Variants in KLK5 observed in about 807,000 individuals in gnomAD.
KLK5 encodes the protein kallikrein-5.
A neutral mutation model predicts 24.0 loss-of-function variants in KLK5; 18 were observed. That is an observed-to-expected ratio of 0.75 (90% CI 0.52 to 1.11). The LOEUF (loss-of-function observed/expected upper bound fraction) is 1.11. Ranked by LOEUF, KLK5 falls within the 50% of genes most tolerant of loss-of-function variation. The pLI, the probability that KLK5 is intolerant of heterozygous loss-of-function variation, is 0.00. For synonymous variants in KLK5, 140 were observed against 154.0 expected (o/e 0.91, Z 0.67); for missense variants, 374 against 379.2 (o/e 0.99, Z 0.11).
At chr19:50,946,708 T>G (rs268906) in intron 5 of KLK5, among the ~76,000 whole-genome samples, 1 of 151,668 alleles carries the variant, frequency 6.6e-6, no homozygotes, top group Non-Finnish European at 1.5e-5. Flanking sequence ...TACAGGCGCC[T>G]GCCACCACGC....
rs557232051 is a variant in KLK5 at position 50,944,627 on chromosome 19, G to A, written c.727-841C>T. Reference sequence around the variant, plus strand: ...CTCAGCCCCTGGATGAGGGTTCCTCGATCTGGGCACTGTGGGCATCTGAAG... The same window carrying A: ...CTCAGCCCCTGGATGAGGGTTCCTCAATCTGGGCACTGTGGGCATCTGAAG... On this transcript the variant is annotated intron_variant, in intron 5 of 5. Transcript: ENST00000336334. 1.6e-3 allele frequency among the ~76,000 whole-genome samples: 249 copies of A among 152,276 alleles called. 1 individual carries two copies. Among genetic ancestry groups the A allele is most frequent in the Non-Finnish European group, 1.5e-3 (104 of 68,028 alleles).
rs142655289 is a variant in KLK5 at position 50,946,904 on chromosome 19, C to T, written c.726+1736G>A. ...AAAAGTTTTCCCCCTCGCAACCCAC[C>T]CCCCCACACCCAGGGCACAGAGAAG... On this transcript the variant is annotated intron_variant, in intron 5 of 5. Transcript: ENST00000336334. Among the ~76,000 whole-genome samples, 271 of 152,108 alleles carry T rather than the reference C, an allele frequency of 1.8e-3. 4 individuals carry two copies. The highest frequency in any genetic ancestry group is 6.6e-4 in the Non-Finnish European group (45 of 67,992).
At position 50,943,777 on chromosome 19, in the gene KLK5, C is replaced by T. The variant is rs753623477; in HGVS notation, c.736G>A (p.Gly246Arg). ...AGRDSCQGDS[G>R]GPVVCNGSLQ... ...GAGCCATTGCAGACCACAGGCCCCC[C>T]AGAATCACCCTGCAGGAGAGAAAGG... Residue 246 changes from glycine to arginine, a missense_variant, in exon 6 of 6, where the codon GGG becomes AGG. Physicochemically the swap from Gly to Arg is moderately radical, Grantham distance 125 (BLOSUM62 -2). Coordinates refer to ENST00000336334, the MANE Select transcript of KLK5 (RefSeq NM_012427.5). 1.3e-5 allele frequency: 21 copies of T among 1,612,216 alleles called. No individual in the cohort carries two copies. In the Admixed American group the frequency reaches 3.0e-4, roughly 23 times the overall value.
At chr19:50,945,837 A>G (rs984393768) in intron 5 of KLK5, among the ~76,000 whole-genome samples, 1 of 116,912 alleles carries the variant, frequency 8.6e-6, no homozygotes, top group Non-Finnish European at 1.9e-5. Context: ...TGTACATACT[A>G]CAATAATGAT....
At chr19:50,952,445 C>G in intron 2 of KLK5, 140 bp downstream of exon 2, 1 of 537,284 alleles carries the variant, frequency 1.9e-6, no homozygotes, top group Non-Finnish European at 3.2e-6. Flanking sequence ...CGCACAACCA[C>G]AAGTACAGAC....
rs1246817872 is a variant in KLK5, at chr19:50,947,102, A to G, written c.726+1538T>C. On this transcript the variant is annotated intron_variant, in intron 5 of 5. Transcript: ENST00000336334. The surrounding 1 kb of genome is among the most constrained non-coding windows in gnomAD (Gnocchi z 8.7). ...CTTACGTCCTTCTAGATCCCTTGGG[A>G]GCCTGAATACAGAGAAGGGTGCTGG... 6.6e-6 allele frequency among the ~76,000 whole-genome samples: 1 copy of G among 152,046 alleles called. No individual in the cohort carries two copies. The highest frequency in any genetic ancestry group is 2.4e-5 in the African/African-American group (1 of 41,406).
chr19:50,943,486 A>G lies in KLK5; in HGVS notation c.*145T>C, dbSNP rs528292923. On this transcript the variant is annotated 3_prime_UTR_variant, in exon 6 of 6. Transcript: ENST00000336334. ...ACGGTCAGCCCAATGTGGGGGAAGC[A>G]GACCCTGAGTCCAGGAGACATGGGG... 4.7e-5 allele frequency: 35 copies of G among 743,870 alleles called. No homozygotes were observed. In the South Asian group the frequency reaches 6.4e-4, roughly 14 times the overall value. The allele number at this position is 743,870 out of a possible 1,614,324, so 46.1% of individuals were successfully genotyped here. A position where few individuals can be genotyped will look rare whatever the true frequency, so the allele number is the denominator to read the frequency against.
intron 5 of KLK5, among the ~76,000 whole-genome samples, chr19:50,944,618 G>A (rs2090615171): frequency 6.6e-6 from 1 of 152,192 alleles, no homozygotes; most frequent in Non-Finnish European, 1.5e-5. Flanking sequence ...CCCTGGATGA[G>A]GGTTCCTCGA....
chr19:50,948,201 A>C (rs2090651810), intron 5 of KLK5, among the ~76,000 whole-genome samples: 2 of 151,726 alleles, frequency 1.3e-5, no homozygotes, highest in Admixed American at 1.3e-4. Context: ...AGCTCACTGC[A>C]ACCTCCACCT....
rs1600071588 is a variant in KLK5 at position 50,947,439 on chromosome 19, G to A, written c.726+1201C>T. ...TCTGCTCAAATGCCACCTCTCCAAG[G>A]AGGCTCCCCTGACCACCTTTTTGAA... On this transcript the variant is annotated intron_variant, in intron 5 of 5. Coordinates refer to ENST00000336334, the MANE Select transcript of KLK5 (RefSeq NM_012427.5). The surrounding 1 kb of genome is among the most constrained non-coding windows in gnomAD (Gnocchi z 8.7). 6.6e-6 allele frequency among the ~76,000 whole-genome samples: 1 copy of A among 152,072 alleles called. No homozygotes were observed. The highest frequency in any genetic ancestry group is 6.6e-5 in the Admixed American group (1 of 15,254).
In KLK5 at chr19:50,944,746, C is replaced by G. The variant is rs111745978; in HGVS notation, c.727-960G>C. Among the ~76,000 whole-genome samples, 1,491 of 152,284 alleles carry G rather than the reference C, an allele frequency of 9.8e-3. 32 individuals are homozygous for G. The highest frequency in any genetic ancestry group is 0.034 in the African/African-American group (1,402 of 41,548). On this transcript the variant is annotated intron_variant, in intron 5 of 5. Coordinates refer to ENST00000336334, the MANE Select transcript of KLK5 (RefSeq NM_012427.5). ...TATCCATTAGTTGCCAGTAATGCCC[C>G]TCCATATAGTTGTGACAACCAAAAA...
chr19:50,945,275 ATT>A (rs10586385), intron 5 of KLK5, among the ~76,000 whole-genome samples: 35,242 of 146,758 alleles, frequency 0.24, 5,862 homozygotes, highest in African/African-American at 0.48. Context: ...CACCCGGCTA[ATT>A]TTTTTTTTTT....
chr19:50,949,806 C>CCAGCCCTCCCCTCCATGACAA, intron 3 of KLK5, 49 bp downstream of exon 3: 1 of 1,136,892 alleles, frequency 8.8e-7, no homozygotes, highest in South Asian at 1.5e-5. Context: ...CCCACCCCCA[C>CCAGCCCTCCCCTCCATGACAA]CCCCACTTCC....
chr19:50,945,889 G>A (rs957277805), intron 5 of KLK5, among the ~76,000 whole-genome samples: 11 of 152,240 alleles, frequency 7.2e-5, no homozygotes, highest in African/African-American at 2.6e-4. Context: ...AAAACAATTA[G>A]TATTTTTATT....
rs780872188 is a variant in KLK5 at position 50,949,970 on chromosome 19, C to A, written c.220G>T (p.Asp74Tyr). The change falls in exon 3 of 6, where the codon GAT becomes TAT. Residue 74 changes from aspartate to tyrosine, a missense_variant. By Grantham distance (160) the Asp-to-Tyr change is radical. Coordinates refer to ENST00000336334, the MANE Select transcript of KLK5 (RefSeq NM_012427.5). ...SSRIINGSDC[D>Y]MHTQPWQAAL... The stretch of plus-strand genomic sequence containing the variant: ...GCCTGCCACGGCTGGGTGTGCATAT[C>A]GCAGTCGGATCCATTGATGATGCGG... The A allele has an allele frequency of 1.2e-6, 2 of 1,613,798 alleles. No homozygotes were observed. The highest frequency in any genetic ancestry group is 1.7e-6 in the Non-Finnish European group (2 of 1,180,004).
intron 5 of KLK5, among the ~76,000 whole-genome samples, chr19:50,946,268 G>C (rs971420788): frequency 5.3e-5 from 8 of 152,198 alleles, no homozygotes; most frequent in Middle Eastern, 3.2e-3. Flanking sequence ...TTGTAAAATA[G>C]GGCCAATAAT....
rs2090607999 is a variant in KLK5 at position 50,943,698 on chromosome 19, G to A, written c.815C>T (p.Pro272Leu). 5.0e-6 allele frequency: 8 copies of A among 1,613,868 alleles called. No homozygotes were observed. Among genetic ancestry groups the A allele is most frequent in the Non-Finnish European group, 6.8e-6 (8 of 1,179,950 alleles). ...CTTGCAGAGGTTCGTGTAGACACCC[G>A]GTCTGTTGGGCCGGGCACAAGGGTA... ...GDYPCARPNR[P>L]GVYTNLCKFT... Residue 272 changes from proline to leucine, a missense_variant, in exon 6 of 6, where the codon CCG becomes CTG. Physicochemically the swap from Pro to Leu is moderately conservative, Grantham distance 98. Coordinates refer to ENST00000336334, the MANE Select transcript of KLK5 (RefSeq NM_012427.5).
In KLK5 at chr19:50,947,248, A is replaced by T. The variant is rs1420752557; in HGVS notation, c.726+1392T>A. Among the ~76,000 whole-genome samples the T allele has an allele frequency of 6.6e-6, 1 of 152,078 alleles. No homozygotes were observed. Among genetic ancestry groups the T allele is most frequent in the South Asian group, 2.1e-4 (1 of 4,822 alleles). On this transcript the variant is annotated intron_variant, in intron 5 of 5. Coordinates refer to ENST00000336334, the MANE Select transcript of KLK5 (RefSeq NM_012427.5). The surrounding 1 kb of genome is among the most constrained non-coding windows in gnomAD (Gnocchi z 8.7). ...TTGCAGAGCATTCGCCCCTGCCTACACCTCCAGCGTCACTTTCTACTGTTG... is the reference window on the plus strand; with the variant it reads ...TTGCAGAGCATTCGCCCCTGCCTACTCCTCCAGCGTCACTTTCTACTGTTG...
chr19:50,943,986 T>C (rs990934460), intron 5 of KLK5, among the ~76,000 whole-genome samples, 200 bp from the exon 6 acceptor site: 1 of 151,660 alleles, frequency 6.6e-6, no homozygotes, highest in Non-Finnish European at 1.5e-5. Context: ...GAGAATGTTA[T>C]TAATATTTCA....
Sources: gnomAD v4.1 joint callset for allele counts (sites outside exome capture counted in the v4.1 genomes callset) on GRCh38, gnomAD v4.1.1 for gene constraint, Gnocchi (gnomAD v3.1) non-coding constraint, MANE v1.5 for transcripts, NCBI Gene and HGNC (gene_info 2026-07-23, HGNC 2026-07-21) for gene names.